GPC6: variants seen among roughly 807,000 people sequenced by gnomAD.
GPC6 encodes glypican-6.
GPC6 carries 14 observed loss-of-function variants against 55.2 expected under a neutral mutation model. The ratio of observed to expected loss-of-function variants is 0.25; its 90% CI spans 0.17 to 0.40. The LOEUF (loss-of-function observed/expected upper bound fraction) is 0.40, where lower values mean the gene tolerates loss of function less well. Among genes scored for constraint, GPC6 ranks in the 10% least tolerant of loss-of-function variants. The pLI is 1.00. For missense variants in GPC6, 641 were observed against 708.5 expected, an observed-to-expected ratio of 0.90 and a Z score of 1.08; for synonymous variants, 278 against 259.6, an observed-to-expected ratio of 1.07 and a Z score of -0.68.
chr13:94,107,228 G>A (rs1234565717), intron 4 of GPC6, among the ~76,000 whole-genome samples: 1 of 152,120 alleles, frequency 6.6e-6, no homozygotes, highest in African/African-American at 2.4e-5. Flanking sequence ...TAGGTGATGA[G>A]GAGAATAAAG....
intron 3 of GPC6, among the ~76,000 whole-genome samples, chr13:93,854,989 A>G (rs1171930091): frequency 4.6e-5 from 7 of 151,588 alleles, no homozygotes; most frequent in Admixed American, 4.6e-4. Context: ...TGTCCCCACC[A>G]GAGTGGCACA....
intron 2 of GPC6, among the ~76,000 whole-genome samples, chr13:93,635,864 G>A (rs759607008): frequency 6.6e-6 from 1 of 152,106 alleles, no homozygotes; most frequent in Non-Finnish European, 1.5e-5. Flanking sequence ...CAGAGCCTGC[G>A]GTTTGTAGTG....
At chr13:93,802,425 A>G (rs1045072654) in intron 2 of GPC6, among the ~76,000 whole-genome samples, 1 of 151,972 alleles carries the variant, frequency 6.6e-6, no homozygotes, top group Admixed American at 6.6e-5. Context: ...TTTAAGAGAC[A>G]GAGTTTCAGT....
At chr13:93,560,478 C>T (rs950870030) in intron 2 of GPC6, among the ~76,000 whole-genome samples, 6 of 152,208 alleles carry the variant, frequency 3.9e-5, no homozygotes, top group African/African-American at 1.4e-4. Context: ...CATGATCACA[C>T]CACTGCACTG....
At chr13:93,984,983 TA>T (rs1880959615) in intron 3 of GPC6, among the ~76,000 whole-genome samples, 2 of 152,190 alleles carry the variant, frequency 1.3e-5, no homozygotes, top group Non-Finnish European at 2.9e-5. Flanking sequence ...TTATGTAAAC[TA>T]AGCCCTGCAG....
At chr13:93,891,559 T>C (rs191477345) in intron 3 of GPC6, among the ~76,000 whole-genome samples, 21 of 152,292 alleles carry the variant, frequency 1.4e-4, no homozygotes, top group Admixed American at 5.2e-4. Flanking sequence ...TGAAAGACTC[T>C]AAGAATTTGG....
At chr13:93,598,545 T>C (rs981213564) in intron 2 of GPC6, among the ~76,000 whole-genome samples, 5 of 152,228 alleles carry the variant, frequency 3.3e-5, no homozygotes, top group African/African-American at 1.2e-4. Flanking sequence ...GTGAATTATA[T>C]GAAATTGCTG....
At chr13:94,357,537 A>G (rs1454975520) in intron 6 of GPC6, among the ~76,000 whole-genome samples, 8 of 152,190 alleles carry the variant, frequency 5.3e-5, no homozygotes, top group Admixed American at 5.2e-4. Flanking sequence ...TGGCCAACTG[A>G]TGGTACCCAG....
chr13:94,047,419 A>C (rs1370696401), intron 4 of GPC6, among the ~76,000 whole-genome samples: 1 of 152,034 alleles, frequency 6.6e-6, no homozygotes, highest in African/African-American at 2.4e-5. Context: ...TTCTTTCAGC[A>C]TCCATCTGTT....
chr13:93,860,495 A>C (rs1253199366), intron 3 of GPC6, among the ~76,000 whole-genome samples: 1 of 151,662 alleles, frequency 6.6e-6, no homozygotes, highest in Admixed American at 6.6e-5. Context: ...TCATAGACCT[A>C]AATTTGGTGT....
intron 1 of GPC6, among the ~76,000 whole-genome samples, chr13:93,355,113 C>G (rs1023807041): frequency 1.3e-5 from 2 of 152,176 alleles, no homozygotes; most frequent in African/African-American, 4.8e-5. Context: ...TATAAGCAGC[C>G]ATTATTCATA....
chr13:93,718,651 C>G (rs1594397880), intron 2 of GPC6, among the ~76,000 whole-genome samples: 1 of 151,596 alleles, frequency 6.6e-6, no homozygotes, highest in Non-Finnish European at 1.5e-5. Flanking sequence ...TGCAATTGCT[C>G]TTGGTGTTTT....
chr13:93,481,032 A>G (rs1448723634), intron 1 of GPC6, among the ~76,000 whole-genome samples: 4 of 152,140 alleles, frequency 2.6e-5, no homozygotes, highest in African/African-American at 9.7e-5. Context: ...TTCCTGAAGC[A>G]TCTGTGGCAT....
chr13:94,068,748 C>T (rs971533508), intron 4 of GPC6, among the ~76,000 whole-genome samples: 2 of 152,212 alleles, frequency 1.3e-5, no homozygotes, highest in Non-Finnish European at 2.9e-5. Context: ...AATCTTAAAG[C>T]TCCAAAATGA....
chr13:93,862,146 G>A (rs1888832856), intron 3 of GPC6, among the ~76,000 whole-genome samples: 1 of 151,650 alleles, frequency 6.6e-6, no homozygotes, highest in African/African-American at 2.4e-5. Context: ...ATGTGCTCTA[G>A]TGCCTAGGAA....
At chr13:94,396,915 A>AC (rs886621756) in intron 7 of GPC6, among the ~76,000 whole-genome samples, 20 of 152,164 alleles carry the variant, frequency 1.3e-4, no homozygotes, top group African/African-American at 4.3e-4. Context: ...GTGACTTTGC[A>AC]CATTTGCTTA....
At chr13:93,714,747 G>A (rs1167018171) in intron 2 of GPC6, among the ~76,000 whole-genome samples, 1 of 151,592 alleles carries the variant, frequency 6.6e-6, no homozygotes, top group Non-Finnish European at 1.5e-5. Context: ...CACAGATGGA[G>A]CAAGGCAGTC....
intron 4 of GPC6, among the ~76,000 whole-genome samples, chr13:94,034,352 A>G (rs971312024): frequency 6.6e-6 from 1 of 152,170 alleles, no homozygotes; most frequent in Non-Finnish European, 1.5e-5. Context: ...TGAACTCTGC[A>G]TATGTGAAAG....
At chr13:93,301,504 G>C (rs1479570444) in intron 1 of GPC6, among the ~76,000 whole-genome samples, 1 of 152,206 alleles carries the variant, frequency 6.6e-6, no homozygotes, top group African/African-American at 2.4e-5. Flanking sequence ...GCTTCCTGCA[G>C]TTGTTGATGT....
Sources: gnomAD v4.1 joint callset for allele counts (sites outside exome capture counted in the v4.1 genomes callset) on GRCh38, gnomAD v4.1.1 for gene constraint, MANE v1.5 for transcripts, NCBI Gene and HGNC (gene_info 2026-07-23, HGNC 2026-07-21) for gene names.